VAC14: variants seen among roughly 807,000 people sequenced by gnomAD.
VAC14 encodes the protein VAC14 component of PIKFYVE complex, also known as protein VAC14 homolog.
Under a neutral mutation model 85.3 loss-of-function variants are expected in VAC14, and 47 were observed. The observed-to-expected ratio is 0.55, with a 90% CI of 0.44 to 0.70. The LOEUF (loss-of-function observed/expected upper bound fraction) is 0.70, where lower values mean the gene tolerates loss of function less well. Among genes scored for constraint, VAC14 ranks in the 30% least tolerant of loss-of-function variants. The pLI, the probability that VAC14 is intolerant of heterozygous loss-of-function variation, is 0.00. For missense variants in VAC14, 861 were observed against 1,004.3 expected (o/e 0.86, Z 1.93); for synonymous variants, 447 against 430.5 (o/e 1.04, Z -0.47).
intron 9 of VAC14, among the ~76,000 whole-genome samples, chr16:70,774,528 T>A (rs2033414985): frequency 6.6e-6 from 1 of 152,184 alleles, no homozygotes. Context: ...AATAAATAAC[T>A]TGGGGGAAGA....
intron 13 of VAC14, among the ~76,000 whole-genome samples, chr16:70,733,902 T>C (rs1031153109): frequency 6.6e-6 from 1 of 152,210 alleles, no homozygotes; most frequent in African/African-American, 2.4e-5. Flanking sequence ...CTTGGCTCAC[T>C]GCAACCTCCG....
chr16:70,793,183 T>C (rs947133715), intron 1 of VAC14, among the ~76,000 whole-genome samples: 7 of 152,184 alleles, frequency 4.6e-5, no homozygotes, highest in African/African-American at 1.7e-4. Context: ...AGGCACTCCT[T>C]CCATACACAG....
chr16:70,705,497 A>G (rs1370033127), intron 14 of VAC14, among the ~76,000 whole-genome samples: 2 of 152,248 alleles, frequency 1.3e-5, no homozygotes, highest in South Asian at 2.1e-4. Context: ...TGGAGACTGA[A>G]GCAACCATCC....
chr16:70,755,050 C>T (rs1254989555), intron 12 of VAC14: 1 of 177,926 alleles, frequency 5.6e-6, no homozygotes, highest in Non-Finnish European at 1.2e-5. Flanking sequence ...GAGGCGGTGT[C>T]ATGTGACCTG....
chr16:70,786,754 C>T (rs2034080094), intron 1 of VAC14, among the ~76,000 whole-genome samples: 1 of 152,194 alleles, frequency 6.6e-6, no homozygotes, highest in Non-Finnish European at 1.5e-5. Flanking sequence ...TTTCCAGGGA[C>T]GTTGCTGGGA....
At chr16:70,766,449 C>T (rs1450160735) in intron 10 of VAC14, 2 of 456,414 alleles carry the variant, frequency 4.4e-6, no homozygotes, top group Non-Finnish European at 8.8e-6. Context: ...ACAGCAAACA[C>T]CTGAACACAG....
intron 1 of VAC14, among the ~76,000 whole-genome samples, chr16:70,791,410 A>G (rs1399673530): frequency 6.6e-6 from 1 of 152,094 alleles, no homozygotes; most frequent in Non-Finnish European, 1.5e-5. Flanking sequence ...TTTGAGACAG[A>G]GTCTCGCTCT....
intron 13 of VAC14, among the ~76,000 whole-genome samples, chr16:70,735,710 G>A (rs112315637): frequency 3.0e-3 from 445 of 150,676 alleles, no homozygotes; most frequent in Non-Finnish European, 4.9e-3. Context: ...TCGCGTGAGC[G>A]GCATGAAGGA....
At chr16:70,752,716 C>T (rs1399328857) in intron 12 of VAC14, among the ~76,000 whole-genome samples, 1 of 152,256 alleles carries the variant, frequency 6.6e-6, no homozygotes, top group African/African-American at 2.4e-5. Context: ...GCAGGCTCTA[C>T]CCCATAGGCC....
rs776495086 is a variant in VAC14, at chr16:70,692,823, G to A, written c.2184C>T (p.Thr728=). Residue 728 remains threonine, a splice_region_variant and synonymous_variant, in exon 18 of 19, where the codon ACC becomes ACT. Coordinates refer to ENST00000261776, the MANE Select transcript of VAC14 (RefSeq NM_018052.5). The stretch of plus-strand genomic sequence containing the variant: ...AGCAGTCCCCAGCCGGCACTCACTC[G>A]GTCTGCAGCAGCTCAGGGTTGGGCA... The part of the protein sequence containing the change: ...QCVPNPELLQ[T]EDSLKAAPKS... 107 of 1,597,912 alleles carry A rather than the reference G, an allele frequency of 6.7e-5. No homozygotes were observed. In the South Asian group the frequency reaches 1.1e-3, roughly 16 times the overall value.
At chr16:70,693,000 G>C (rs887419306) in intron 17 of VAC14, 29 bp from the exon 18 acceptor site, 6 of 1,599,406 alleles carry the variant, frequency 3.8e-6, no homozygotes, top group Non-Finnish European at 5.1e-6. Context: ...AGGGGTCAGG[G>C]ACCTGGCACT....
At chr16:70,756,738 C>T (rs370762660) in intron 12 of VAC14, among the ~76,000 whole-genome samples, 45 of 152,276 alleles carry the variant, frequency 3.0e-4, no homozygotes, top group African/African-American at 7.7e-4. Flanking sequence ...CACCTTGGAC[C>T]GGGTACATCG....
At chr16:70,733,145 C>G (rs1002897089) in intron 13 of VAC14, among the ~76,000 whole-genome samples, 5 of 152,224 alleles carry the variant, frequency 3.3e-5, no homozygotes, top group Admixed American at 3.3e-4. Context: ...ATTCACCATT[C>G]TCACTTCCAT....
At chr16:70,785,321 T>C (rs367898962) in intron 3 of VAC14, among the ~76,000 whole-genome samples, 2 of 152,270 alleles carry the variant, frequency 1.3e-5, no homozygotes, top group African/African-American at 4.8e-5. Flanking sequence ...GAGGAGAGCA[T>C]GAGCTTTTTC....
intron 6 of VAC14, 102 bp downstream of exon 6, chr16:70,783,343 G>C: frequency 8.1e-7 from 1 of 1,230,508 alleles, no homozygotes; most frequent in Non-Finnish European, 1.2e-6. Flanking sequence ...AAGAAGAGGT[G>C]ATTTCCTGCC....
intron 12 of VAC14, among the ~76,000 whole-genome samples, chr16:70,753,086 A>G (rs577964785): frequency 5.9e-5 from 9 of 152,022 alleles, no homozygotes; most frequent in Non-Finnish European, 1.0e-4. Context: ...CATGGAGCAT[A>G]TAAGTGAGAT....
At chr16:70,730,711 T>C (rs1048794589) in intron 14 of VAC14, among the ~76,000 whole-genome samples, 1 of 151,528 alleles carries the variant, frequency 6.6e-6, no homozygotes, top group African/African-American at 2.4e-5. Context: ...GATTTGTGTG[T>C]CTCAGCCTCT....
intron 1 of VAC14, among the ~76,000 whole-genome samples, chr16:70,797,872 C>T (rs2034610916): frequency 3.3e-5 from 5 of 152,212 alleles, no homozygotes; most frequent in Admixed American, 3.3e-4. Flanking sequence ...CTTGCTCCCT[C>T]TTTGCCCTCC....
At chr16:70,694,427 C>T (rs1466788735) in intron 17 of VAC14, among the ~76,000 whole-genome samples, 1 of 152,178 alleles carries the variant, frequency 6.6e-6, no homozygotes. Context: ...AGCAGGGTCT[C>T]CCCCCTGCTC....
Sources: gnomAD v4.1 joint callset for allele counts (sites outside exome capture counted in the v4.1 genomes callset) on GRCh38, gnomAD v4.1.1 for gene constraint, MANE v1.5 for transcripts, NCBI Gene and HGNC (gene_info 2026-07-23, HGNC 2026-07-21) for gene names.